Variants in SLC35F1 observed in about 807,000 individuals in gnomAD.
SLC35F1 encodes solute carrier family 35 member F1.
SLC35F1 carries 14 observed loss-of-function variants against 48.7 expected under a neutral mutation model. The ratio of observed to expected loss-of-function variants is 0.29; its 90% CI spans 0.19 to 0.45. The LOEUF (loss-of-function observed/expected upper bound fraction) is 0.45, where lower values mean the gene tolerates loss of function less well. SLC35F1 is among the 20% of genes least tolerant of loss of function. The pLI is 1.00. For synonymous variants in SLC35F1, 190 were observed against 202.2 expected (o/e 0.94, Z 0.51); for missense variants, 404 against 500.0 (o/e 0.81, Z 1.83).
chr6:118,137,647 T>A (rs1396839504), intron 1 of SLC35F1, among the ~76,000 whole-genome samples: 1 of 152,194 alleles, frequency 6.6e-6, no homozygotes, highest in Non-Finnish European at 1.5e-5. Context: ...GAAGGTTTGC[T>A]GGTTTTATGC....
In SLC35F1 at chr6:118,167,528, G is replaced by A. The variant is rs377201782; in HGVS notation, c.349+12908G>A. 7.2e-5 allele frequency among the ~76,000 whole-genome samples: 11 copies of A among 152,062 alleles called. 1 individual carries two copies. The East Asian group carries it at 1.9e-3, about 27-fold the overall frequency. ...CTGTAGACAATTGTAACACAATAAT[G>A]AGTATATATTTGTGTATCTAAATAT... On this transcript the variant is annotated intron_variant, in intron 2 of 7. Coordinates refer to ENST00000360388, the MANE Select transcript of SLC35F1 (RefSeq NM_001029858.4).
At chr6:118,244,656 GT>G (rs1290627402) in intron 3 of SLC35F1, among the ~76,000 whole-genome samples, 1 of 152,140 alleles carries the variant, frequency 6.6e-6, no homozygotes, top group Non-Finnish European at 1.5e-5. Flanking sequence ...TTCATCTTCA[GT>G]TTTCTTATAG....
At chr6:118,138,024 G>A (rs1331369807) in intron 1 of SLC35F1, among the ~76,000 whole-genome samples, 1 of 152,066 alleles carries the variant, frequency 6.6e-6, no homozygotes, top group Non-Finnish European at 1.5e-5. Flanking sequence ...AACCTTAGGG[G>A]AGGGTCAGGC....
chr6:118,271,162 A>G (rs1239992401), intron 4 of SLC35F1, among the ~76,000 whole-genome samples: 1 of 152,148 alleles, frequency 6.6e-6, no homozygotes, highest in Non-Finnish European at 1.5e-5. Flanking sequence ...TTTATTATAT[A>G]TTATTTCATT....
intron 1 of SLC35F1, among the ~76,000 whole-genome samples, chr6:117,987,944 G>A (rs891855693): frequency 6.6e-6 from 1 of 151,998 alleles, no homozygotes; most frequent in Non-Finnish European, 1.5e-5. Flanking sequence ...CAGGAGGCTT[G>A]AAGCTTGGGA....
rs142324172 is a variant in SLC35F1 at position 118,120,147 on chromosome 6, G to T, written c.174-34298G>T. On this transcript the variant is annotated intron_variant, in intron 1 of 7. Coordinates refer to ENST00000360388, the MANE Select transcript of SLC35F1 (RefSeq NM_001029858.4). ...TACATGGAAATTCCCAAAACCCAAAGAATTATATTCAGAGAAAAACTTTTT... is the reference window on the plus strand; with the variant it reads ...TACATGGAAATTCCCAAAACCCAAATAATTATATTCAGAGAAAAACTTTTT... Among the ~76,000 whole-genome samples, 112 of 152,234 alleles carry T rather than the reference G, an allele frequency of 7.4e-4. 1 individual carries two copies. In the East Asian group the frequency reaches 0.021, roughly 28 times the overall value.
chr6:117,915,539 G>A (rs1183781219), intron 1 of SLC35F1, among the ~76,000 whole-genome samples: 1 of 152,144 alleles, frequency 6.6e-6, no homozygotes, highest in African/African-American at 2.4e-5. Flanking sequence ...GTTCATGGAA[G>A]TAAGAGATTG....
At chr6:117,972,015 G>A (rs568634065) in intron 1 of SLC35F1, among the ~76,000 whole-genome samples, 1 of 152,310 alleles carries the variant, frequency 6.6e-6, no homozygotes, top group South Asian at 2.1e-4. Context: ...CAGAAAAAGG[G>A]TTTTTCTTTT....
At chr6:118,029,521 G>A (rs1271166760) in intron 1 of SLC35F1, among the ~76,000 whole-genome samples, 1 of 152,074 alleles carries the variant, frequency 6.6e-6, no homozygotes, top group Non-Finnish European at 1.5e-5. Flanking sequence ...CAGGTATGTT[G>A]TATATACAGG....
intron 1 of SLC35F1, among the ~76,000 whole-genome samples, chr6:117,994,483 T>G (rs1393249965): frequency 6.6e-6 from 1 of 152,210 alleles, no homozygotes; most frequent in African/African-American, 2.4e-5. Context: ...CTTCCACAGC[T>G]TTCATAGACC....
chr6:118,133,267 G>T (rs911857575), intron 1 of SLC35F1, among the ~76,000 whole-genome samples: 5 of 152,010 alleles, frequency 3.3e-5, no homozygotes, highest in African/African-American at 1.2e-4. Flanking sequence ...GGGAAGAAAA[G>T]AATTAAAAAT....
At position 118,301,173 on chromosome 6, in the gene SLC35F1, G is replaced by C. The variant is rs1776251672; in HGVS notation, c.1003-12855G>C. ...GCTTACTGCAGAGCCTGGCACAGTA[G>C]GTGTTTGGTAATTATTTTTTTAATG... is the stretch of plus-strand genomic sequence containing the variant. On this transcript the variant is annotated intron_variant, in intron 7 of 7. Transcript: ENST00000360388. Among the ~76,000 whole-genome samples, 3 of 152,240 alleles carry C rather than the reference G, an allele frequency of 2.0e-5. No individual in the cohort carries two copies. The South Asian group carries it at 6.2e-4, about 32-fold the overall frequency.
intron 1 of SLC35F1, among the ~76,000 whole-genome samples, chr6:117,973,920 G>A (rs995969294): frequency 3.3e-5 from 5 of 152,162 alleles, no homozygotes; most frequent in Non-Finnish European, 7.4e-5. Context: ...CTCTGCCAAG[G>A]TAAACTACAT....
chr6:118,224,861 A>G (rs924056566), intron 2 of SLC35F1, among the ~76,000 whole-genome samples: 1 of 152,112 alleles, frequency 6.6e-6, no homozygotes, highest in Non-Finnish European at 1.5e-5. Flanking sequence ...GTACAAGGCT[A>G]ATTTGACTTT....
chr6:117,942,165 T>C (rs191955205), intron 1 of SLC35F1, among the ~76,000 whole-genome samples: 217 of 152,308 alleles, frequency 1.4e-3, no homozygotes, highest in African/African-American at 5.0e-3. Flanking sequence ...GTCACTTGTT[T>C]AAGATGATGC....
intron 1 of SLC35F1, among the ~76,000 whole-genome samples, chr6:117,962,175 A>T (rs1023257944): frequency 6.6e-6 from 1 of 152,202 alleles, no homozygotes; most frequent in Admixed American, 6.5e-5. Flanking sequence ...TGCCAGACTA[A>T]GATATAACCA....
chr6:118,277,748 G>A (rs1775935220), intron 6 of SLC35F1, among the ~76,000 whole-genome samples: 1 of 152,072 alleles, frequency 6.6e-6, no homozygotes, highest in Non-Finnish European at 1.5e-5. Context: ...TCCTAATTGA[G>A]CTTCTGCCCA....
chr6:118,255,403 T>C (rs1325277813), intron 3 of SLC35F1, among the ~76,000 whole-genome samples: 3 of 152,184 alleles, frequency 2.0e-5, no homozygotes, highest in Admixed American at 2.0e-4. Context: ...TTAAAGCTGA[T>C]AAAGGCTTTG....
intron 1 of SLC35F1, among the ~76,000 whole-genome samples, chr6:117,988,726 T>A (rs1262574862): frequency 6.6e-6 from 1 of 152,140 alleles, no homozygotes; most frequent in Admixed American, 6.5e-5. Context: ...GGCTTAATAA[T>A]GTGGGAGAGA....
Sources: gnomAD v4.1 joint callset for allele counts (sites outside exome capture counted in the v4.1 genomes callset) on GRCh38, gnomAD v4.1.1 for gene constraint, MANE v1.5 for transcripts, NCBI Gene and HGNC (gene_info 2026-07-23, HGNC 2026-07-21) for gene names.